Variants in EYS observed in about 807,000 individuals in gnomAD.
EYS encodes EGF-like photoreceptor maintenance factor.
A neutral mutation model predicts 282.1 loss-of-function variants in EYS; 250 were observed. That is an observed-to-expected ratio of 0.89 (90% confidence interval 0.80 to 0.98). EYS has a LOEUF of 0.98. EYS is among the 50% of genes least tolerant of loss of function. EYS has a pLI of 0.00. For synonymous variants in EYS, 1,355 were observed against 1,282.9 expected (o/e 1.06, Z -1.20); for missense variants, 4,016 against 3,709.0 (o/e 1.08, Z -2.15).
At chr6:64,478,294 T>G (rs1304162987) in intron 26 of EYS, among the ~76,000 whole-genome samples, 2 of 151,954 alleles carry the variant, frequency 1.3e-5, no homozygotes, top group African/African-American at 4.8e-5. Flanking sequence ...AATGTAAAAT[T>G]TTAGGGGCTA....
At chr6:64,359,695 C>T (rs1422338930) in intron 29 of EYS, among the ~76,000 whole-genome samples, 1 of 151,668 alleles carries the variant, frequency 6.6e-6, no homozygotes. Flanking sequence ...CAGATGGCCT[C>T]TTTCTCACTG....
intron 41 of EYS, among the ~76,000 whole-genome samples, chr6:63,743,327 G>C (rs34873182): frequency 6.6e-6 from 1 of 152,126 alleles, no homozygotes; most frequent in African/African-American, 2.4e-5. Context: ...CTCTGACTTA[G>C]GGTAAGATTT....
At chr6:64,660,416 G>A (rs1209806383) in intron 22 of EYS, among the ~76,000 whole-genome samples, 1 of 151,796 alleles carries the variant, frequency 6.6e-6, no homozygotes, top group Non-Finnish European at 1.5e-5. Context: ...GAAATAAAGG[G>A]TATTCAATTA....
intron 35 of EYS, among the ~76,000 whole-genome samples, chr6:63,911,589 C>G (rs1764251289): frequency 6.6e-6 from 1 of 152,176 alleles, no homozygotes; most frequent in South Asian, 2.1e-4. Flanking sequence ...AGCAATGAAA[C>G]TAAAAATTAT....
chr6:64,004,483 G>C (rs929953789), intron 33 of EYS, among the ~76,000 whole-genome samples: 5 of 151,324 alleles, frequency 3.3e-5, no homozygotes, highest in Non-Finnish European at 7.4e-5. Flanking sequence ...TTTTATTTTA[G>C]GTTCAGGGGT....
At chr6:64,335,183 C>T (rs1029595356) in intron 29 of EYS, among the ~76,000 whole-genome samples, 2 of 152,044 alleles carry the variant, frequency 1.3e-5, no homozygotes, top group African/African-American at 4.8e-5. Context: ...TCAACTATAA[C>T]CTACTAGTAG....
rs1263110142 is a variant in EYS, at chr6:65,341,027, A to C, written c.1599+3011T>G. Among the ~76,000 whole-genome samples the C allele has an allele frequency of 4.6e-5, 7 of 151,100 alleles. No individual in the cohort carries two copies. The East Asian group carries it at 1.4e-3, about 29-fold the overall frequency. Reference sequence around the variant, plus strand: ...GTTTCTGTTGTTTCTTAAGAATAAAAAAAATTCGAATATATACAAATAGGA... The same window carrying C: ...GTTTCTGTTGTTTCTTAAGAATAAACAAAATTCGAATATATACAAATAGGA... On this transcript the variant is annotated intron_variant, in intron 10 of 42. Transcript: ENST00000503581.
chr6:64,689,773 T>C (rs1406858628), intron 22 of EYS, among the ~76,000 whole-genome samples: 8 of 152,164 alleles, frequency 5.3e-5, no homozygotes, highest in Admixed American at 4.6e-4. Flanking sequence ...TGGCTAGCCA[T>C]ATGTAGAAAG....
chr6:63,796,418 A>G (rs912840550), intron 37 of EYS, among the ~76,000 whole-genome samples: 1 of 152,168 alleles, frequency 6.6e-6, no homozygotes, highest in African/African-American at 2.4e-5. Context: ...AGTTAATGCA[A>G]AGGTTAATAT....
intron 12 of EYS, among the ~76,000 whole-genome samples, chr6:65,134,712 A>G (rs900659208): frequency 6.6e-6 from 1 of 152,036 alleles, no homozygotes; most frequent in Admixed American, 6.6e-5. Flanking sequence ...GAGTTTACCT[A>G]TATAACAAAC....
intron 26 of EYS, among the ~76,000 whole-genome samples, chr6:64,572,334 A>G (rs1765752785): frequency 6.6e-6 from 1 of 152,228 alleles, no homozygotes; most frequent in East Asian, 1.9e-4. Context: ...GAATGGGCAA[A>G]AGCTGGACGC....
At chr6:65,196,529 T>G (rs1020042692) in intron 12 of EYS, among the ~76,000 whole-genome samples, 5 of 152,124 alleles carry the variant, frequency 3.3e-5, no homozygotes, top group African/African-American at 1.2e-4. Context: ...TCAACATTCT[T>G]GAGCACTTAT....
At chr6:65,614,552 T>C (rs1766117072) in intron 2 of EYS, among the ~76,000 whole-genome samples, 2 of 152,050 alleles carry the variant, frequency 1.3e-5, no homozygotes, top group Admixed American at 6.6e-5. Context: ...ATGTTCCCCA[T>C]AGATGACCAG....
At chr6:65,615,434 C>T (rs1766155918) in intron 2 of EYS, among the ~76,000 whole-genome samples, 1 of 149,046 alleles carries the variant, frequency 6.7e-6, no homozygotes, top group South Asian at 2.1e-4. Flanking sequence ...ATATTTAGTA[C>T]ATATATATGT....
chr6:65,364,548 A>G lies in EYS; in HGVS notation c.1300-10931T>C, dbSNP rs1043914057. Among the ~76,000 whole-genome samples the G allele has an allele frequency of 2.0e-5, 3 of 151,098 alleles. No homozygotes were observed. In the Admixed American group the frequency reaches 2.0e-4, roughly 10 times the overall value. On this transcript the variant is annotated intron_variant, in intron 8 of 42. Transcript: ENST00000503581. ...AAATTGGACTATATTAAAAATATTA[A>G]GACTTCTTATGATATCCTTCTCTTT...
chr6:63,948,203 T>C (rs1765455304), intron 35 of EYS, among the ~76,000 whole-genome samples: 1 of 152,234 alleles, frequency 6.6e-6, no homozygotes, highest in African/African-American at 2.4e-5. Context: ...CATACTTGGC[T>C]GCACAGAACA....
chr6:64,540,995 G>C (rs116525673), intron 26 of EYS, among the ~76,000 whole-genome samples: 3,722 of 152,184 alleles, frequency 0.024, 69 homozygotes, highest in Non-Finnish European at 0.04. Context: ...GCTCCACGGC[G>C]GCTGAGTTAA....
intron 31 of EYS, among the ~76,000 whole-genome samples, chr6:64,151,977 A>G (rs894553826): frequency 2.0e-5 from 3 of 152,058 alleles, no homozygotes; most frequent in African/African-American, 7.2e-5. Flanking sequence ...TTTTTCTTTG[A>G]GCACTGCCTT....
chr6:63,869,504 T>G (rs1457840989), intron 35 of EYS, among the ~76,000 whole-genome samples: 1 of 152,174 alleles, frequency 6.6e-6, no homozygotes, highest in Admixed American at 6.5e-5. Flanking sequence ...TTTCCATATC[T>G]CTGGCCTTGT....
Sources: gnomAD v4.1 joint callset for allele counts (sites outside exome capture counted in the v4.1 genomes callset) on GRCh38, gnomAD v4.1.1 for gene constraint, MANE v1.5 for transcripts, NCBI Gene and HGNC (gene_info 2026-07-23, HGNC 2026-07-21) for gene names.